The following PTPN3 variants were observed in gnomAD, a reference collection of about 807,000 sequenced individuals.
PTPN3 encodes the protein protein tyrosine phosphatase non-receptor type 3.
In PTPN3, 96 loss-of-function variants were observed where a neutral mutation model predicts 132.7. That is an observed-to-expected ratio of 0.72 (90% CI 0.61 to 0.86). PTPN3 has a LOEUF of 0.86. Among genes scored for constraint, PTPN3 ranks in the 40% least tolerant of loss-of-function variants. PTPN3 has a pLI of 0.00. For missense variants in PTPN3, 1,125 were observed against 1,159.6 expected, an observed-to-expected ratio of 0.97 and a Z score of 0.43; for synonymous variants, 398 against 429.0, an observed-to-expected ratio of 0.93 and a Z score of 0.89.
upstream of PTPN3, among the ~76,000 whole-genome samples, chr9:109,499,477 G>T (rs1847822818): frequency 6.6e-6 from 1 of 152,156 alleles, no homozygotes; most frequent in Admixed American, 6.5e-5. Flanking sequence ...CTTTTCCTCC[G>T]ATTTGTTTAA....
At chr9:109,453,316 A>G (rs1408171359) in intron 5 of PTPN3, among the ~76,000 whole-genome samples, 5 of 151,342 alleles carry the variant, frequency 3.3e-5, no homozygotes, top group Non-Finnish European at 5.9e-5. Context: ...TCTTTTGGCC[A>G]CGATGAATGT....
At chr9:109,405,990 C>A (rs1841528878) in intron 18 of PTPN3, among the ~76,000 whole-genome samples, 1 of 152,224 alleles carries the variant, frequency 6.6e-6, no homozygotes, top group Admixed American at 6.5e-5. Flanking sequence ...GTAACCCCTG[C>A]AAGGTCCCCC....
In PTPN3 at chr9:109,478,080, C is replaced by G. The variant is rs144660249; in HGVS notation, c.-17-14629G>C. On this transcript the variant is annotated intron_variant, in intron 1 of 25. Transcript: ENST00000374541. ...GTCTGAACCCTGAGCTTCTTTCAAC[C>G]TGCCAGGAGAGAGGCTCAGGTAGCA... Among the ~76,000 whole-genome samples, 229 of 152,276 alleles carry G rather than the reference C, an allele frequency of 1.5e-3. 1 individual carries two copies. Among genetic ancestry groups the G allele is most frequent in the Non-Finnish European group, 2.6e-3 (179 of 68,018 alleles).
intron 1 of PTPN3, among the ~76,000 whole-genome samples, chr9:109,472,597 AG>A (rs1846436087): frequency 6.6e-6 from 1 of 152,350 alleles, no homozygotes; most frequent in Middle Eastern, 3.4e-3. Context: ...AAATAAGTAC[AG>A]TTGATAACAA....
At chr9:109,424,357 A>G (rs10521094) in intron 12 of PTPN3, among the ~76,000 whole-genome samples, 4,548 of 152,296 alleles carry the variant, frequency 0.03, 121 homozygotes, top group East Asian at 0.15. Flanking sequence ...TGAAGCTGGC[A>G]CAGGTAGTAA....
chr9:109,482,702 C>A (rs1044188751), intron 1 of PTPN3, among the ~76,000 whole-genome samples: 2 of 152,144 alleles, frequency 1.3e-5, no homozygotes, highest in Non-Finnish European at 2.9e-5. Flanking sequence ...CACTGTCTGC[C>A]CTGCCCTACC....
Position 109,379,097 on chromosome 9 carries a change from G to T in PTPN3, c.*459C>A, listed in dbSNP as rs1838805796. On this transcript the variant is annotated 3_prime_UTR_variant, in exon 26 of 26. Coordinates refer to ENST00000374541, the MANE Select transcript of PTPN3 (RefSeq NM_002829.4). ...CCTTAGCATCAGGGCGGGTGAATCT[G>T]AATTGTTCCAGCTCCACCTAGAAGC... 1 of 158,812 alleles carries T rather than the reference G, an allele frequency of 6.3e-6. No homozygotes were observed. Among genetic ancestry groups the T allele is most frequent in the South Asian group, 1.9e-4 (1 of 5,264 alleles). 9.8% of individuals were successfully genotyped at this position (158,812 alleles called of 1,614,324 possible). A position where few individuals can be genotyped will look rare whatever the true frequency, so the allele number is the denominator to read the frequency against.
chr9:109,452,079 C>A (rs1464277769), intron 5 of PTPN3, among the ~76,000 whole-genome samples: 2 of 151,932 alleles, frequency 1.3e-5, no homozygotes, highest in African/African-American at 4.8e-5. Context: ...ACCATCCTGG[C>A]CAACATGGTG....
At chr9:109,458,011 T>C (rs1219432281) in intron 2 of PTPN3, among the ~76,000 whole-genome samples, 1 of 152,154 alleles carries the variant, frequency 6.6e-6, no homozygotes, top group Non-Finnish European at 1.5e-5. Context: ...ACACGCCTCT[T>C]CAGATCAGGA....
intron 14 of PTPN3, chr9:109,417,862 G>T: frequency 2.3e-6 from 2 of 875,518 alleles, no homozygotes; most frequent in Non-Finnish European, 2.7e-6. Context: ...GATAAAAAGA[G>T]CCCCAAGATG....
the PTPN3 span, among the ~76,000 whole-genome samples, chr9:109,523,643 T>C: frequency 2.0e-5 from 3 of 152,280 alleles, no homozygotes; most frequent in African/African-American, 7.2e-5. Context: ...TGTGTGGCCA[T>C]TGAAACAGGT....
the PTPN3 span, among the ~76,000 whole-genome samples, chr9:109,518,640 A>G: frequency 6.6e-6 from 1 of 151,970 alleles, no homozygotes; most frequent in Admixed American, 6.6e-5. Context: ...GGTGTTTGGG[A>G]GAAAAGAGGA....
Position 109,457,319 on chromosome 9 carries a change from C to G in PTPN3, c.219G>C (p.Gln73His), listed in dbSNP as rs574197123. 2.0e-5 allele frequency: 32 copies of G among 1,614,078 alleles called. No individual in the cohort carries two copies. Among genetic ancestry groups the G allele is most frequent in the Non-Finnish European group, 2.5e-5 (30 of 1,180,030 alleles). The change falls in exon 3 of 26, where the codon CAG (glutamine) becomes CAC (histidine). Residue 73 changes from glutamine (Q) to histidine (H), a missense_variant. Physicochemically the swap from Gln to His is conservative, Grantham distance 24 (BLOSUM62 0). Transcript: ENST00000374541. ...GAGAGTCCACGGAGTCGTCATCATG[C>G]TGTAAACCAAAATATTCCTTTTCAG... is the stretch of plus-strand genomic sequence containing the variant. ...GVTEKEYFGL[Q>H]HDDDSVDSPR...
intron 2 of PTPN3, among the ~76,000 whole-genome samples, chr9:109,458,807 C>T (rs1054067922): frequency 3.9e-5 from 6 of 152,178 alleles, no homozygotes; most frequent in Non-Finnish European, 7.4e-5. Context: ...CTAGCTGCTC[C>T]CCTTGTCGGA....
chr9:109,502,137 C>T (rs1001400145), upstream of PTPN3, among the ~76,000 whole-genome samples: 1 of 152,216 alleles, frequency 6.6e-6, no homozygotes, highest in Non-Finnish European at 1.5e-5. Flanking sequence ...AGATGAACAT[C>T]TAAACATAGT....
intron 5 of PTPN3, among the ~76,000 whole-genome samples, chr9:109,453,454 CTG>C (rs1469093391): frequency 1.3e-5 from 2 of 152,142 alleles, no homozygotes; most frequent in Non-Finnish European, 2.9e-5. Context: ...TTTGTGCAGT[CTG>C]TGTTAAAACA....
chr9:109,427,084 C>A lies in PTPN3; in HGVS notation c.867G>T (p.Leu289=). 1 of 1,614,132 alleles carries A rather than the reference C, an allele frequency of 6.2e-7. No individual in the cohort carries two copies. Among genetic ancestry groups the A allele is most frequent in the Non-Finnish European group, 8.5e-7 (1 of 1,180,004 alleles). Residue 289 remains leucine (L), a synonymous_variant, in exon 12 of 26, where the codon CTG becomes CTT. Transcript: ENST00000374541. ...SREHIVAFNM[L]NYRSCKNLWK... ...ACAAGTTTTTGCAAGATCGGTAATT[C>A]AGCATGTTGAAGGCCACAATATGTT...
chr9:109,522,440 T>G, the PTPN3 span, among the ~76,000 whole-genome samples: 1 of 152,190 alleles, frequency 6.6e-6, no homozygotes, highest in African/African-American at 2.4e-5. Context: ...GAGGACCTCC[T>G]GGAAGCACGG....
At chr9:109,389,128 G>T in intron 22 of PTPN3, 105 bp downstream of exon 22, 1 of 1,434,268 alleles carries the variant, frequency 7.0e-7, no homozygotes, top group Non-Finnish European at 9.4e-7. Context: ...GTCACATACG[G>T]GCTGGACCAG....
Sources: gnomAD v4.1 joint callset for allele counts (sites outside exome capture counted in the v4.1 genomes callset) on GRCh38, gnomAD v4.1.1 for gene constraint, MANE v1.5 for transcripts, NCBI Gene and HGNC (gene_info 2026-07-23, HGNC 2026-07-21) for gene names.